CES5A: variants seen among roughly 807,000 people sequenced by gnomAD.
CES5A encodes carboxylesterase 5.
A neutral mutation model predicts 62.9 loss-of-function variants in CES5A; 67 were observed. The ratio of observed to expected loss-of-function variants is 1.07; its 90% CI spans 0.88 to 1.31. The LOEUF (loss-of-function observed/expected upper bound fraction) is 1.31, where lower values mean the gene tolerates loss of function less well. CES5A is among the 50% of genes most tolerant of loss of function. CES5A has a pLI of 0.00. For missense variants in CES5A, 748 were observed against 708.5 expected, an observed-to-expected ratio of 1.06 and a Z score of -0.63; for synonymous variants, 296 against 280.8, an observed-to-expected ratio of 1.05 and a Z score of -0.54.
At chr16:55,862,179 C>T (rs1474822258) in intron 6 of CES5A, among the ~76,000 whole-genome samples, 1 of 152,178 alleles carries the variant, frequency 6.6e-6, no homozygotes, top group Non-Finnish European at 1.5e-5. Context: ...CCATGCCTGG[C>T]CCATTGCTGA....
In CES5A at chr16:55,905,370, A is replaced by ATTTT. The variant is rs368761640; in HGVS notation, c.-256+19952_-256+19953insAAAA. On this transcript the variant is annotated intron_variant, in intron 1 of 12. Coordinates refer to the CES5A transcript ENST00000518005. ...ACTCCCCAGAATATCTTTAAATCTG[A>ATTTT]CTTTTTTTTTTTTTGAGATGGAGTC... is the stretch of plus-strand genomic sequence containing the variant. 6.8e-5 allele frequency among the ~76,000 whole-genome samples: 10 copies of ATTTT among 146,430 alleles called. 2 individuals are homozygous for ATTTT. Among genetic ancestry groups the ATTTT allele is most frequent in the Non-Finnish European group, 6.0e-5 (4 of 66,610 alleles).
chr16:55,867,569 G>A (rs1437567682), intron 4 of CES5A, among the ~76,000 whole-genome samples: 3 of 151,924 alleles, frequency 2.0e-5, no homozygotes, highest in Non-Finnish European at 2.9e-5. Context: ...TCTCTCCCAG[G>A]CCCCTGCTCA....
At chr16:55,933,111 A>G (rs563785748) in intron 2 of CES5A, among the ~76,000 whole-genome samples, 2 of 152,322 alleles carry the variant, frequency 1.3e-5, no homozygotes, top group South Asian at 4.1e-4. Context: ...TACCATTTGG[A>G]ATACATGGCC....
chr16:55,857,458 T>G (rs1308110081), intron 8 of CES5A, among the ~76,000 whole-genome samples: 1 of 152,188 alleles, frequency 6.6e-6, no homozygotes, highest in Non-Finnish European at 1.5e-5. Context: ...GCTGAAAATC[T>G]TGGGGTAATG....
intron 1 of CES5A, among the ~76,000 whole-genome samples, chr16:55,893,285 T>C (rs1251708555): frequency 1.3e-5 from 2 of 151,838 alleles, no homozygotes; most frequent in Non-Finnish European, 2.9e-5. Flanking sequence ...ATTGATCAGA[T>C]CAGACCTGTT....
intron 1 of CES5A, among the ~76,000 whole-genome samples, chr16:55,953,216 A>C (rs1266112655): frequency 1.3e-5 from 2 of 152,208 alleles, no homozygotes; most frequent in African/African-American, 4.8e-5. Context: ...CAATAGACCC[A>C]CAGTGTACAT....
intron 2 of CES5A, among the ~76,000 whole-genome samples, chr16:55,931,308 T>C (rs2034309284): frequency 6.6e-6 from 1 of 152,252 alleles, no homozygotes; most frequent in Non-Finnish European, 1.5e-5. Context: ...AAGAGAAATC[T>C]ATGCAGCCAA....
intron 11 of CES5A, among the ~76,000 whole-genome samples, chr16:55,848,879 A>C (rs1230529885): frequency 6.6e-6 from 1 of 152,158 alleles, no homozygotes; most frequent in African/African-American, 2.4e-5. Context: ...CCTTATGACA[A>C]CCTAGGAGGA....
At chr16:55,939,451 A>G (rs2142477619) in intron 2 of CES5A, among the ~76,000 whole-genome samples, 1 of 152,322 alleles carries the variant, frequency 6.6e-6, no homozygotes, top group African/African-American at 2.4e-5. Flanking sequence ...TAGATAGGGA[A>G]GTAAGACCAG....
intron 1 of CES5A, among the ~76,000 whole-genome samples, chr16:55,883,981 C>G (rs531766843): frequency 3.9e-5 from 6 of 152,320 alleles, no homozygotes; most frequent in South Asian, 2.1e-4. Context: ...CTTTAGGTCT[C>G]TACATAGCAA....
At chr16:55,854,328 T>G (rs1306880543) in intron 9 of CES5A, among the ~76,000 whole-genome samples, 4 of 152,052 alleles carry the variant, frequency 2.6e-5, no homozygotes, top group Non-Finnish European at 5.9e-5. Flanking sequence ...AATGTCCTTC[T>G]GCTCAGTTGT....
upstream of CES5A, among the ~76,000 whole-genome samples, chr16:55,927,334 A>G (rs536666462): frequency 2.0e-5 from 3 of 152,346 alleles, no homozygotes; most frequent in South Asian, 6.2e-4. Context: ...GACAACCTAC[A>G]GAATTGGACA....
At chr16:55,848,921 A>C (rs2033072322) in intron 11 of CES5A, among the ~76,000 whole-genome samples, 1 of 152,210 alleles carries the variant, frequency 6.6e-6, no homozygotes, top group Non-Finnish European at 1.5e-5. Flanking sequence ...TGAGGATGAA[A>C]AACTGAAATA....
chr16:55,884,437 CT>C (rs1453809726), intron 1 of CES5A, among the ~76,000 whole-genome samples: 1 of 152,340 alleles, frequency 6.6e-6, no homozygotes, highest in South Asian at 2.1e-4. Flanking sequence ...AGCCTCCTGC[CT>C]TCTGGCACTT....
intron 2 of CES5A, among the ~76,000 whole-genome samples, chr16:55,941,180 A>C (rs1480145951): frequency 6.6e-6 from 1 of 152,062 alleles, no homozygotes; most frequent in Non-Finnish European, 1.5e-5. Context: ...ATCAAAAGGC[A>C]TACAGACTAG....
upstream of CES5A, among the ~76,000 whole-genome samples, chr16:55,927,865 ATTAAC>A (rs1242762997): frequency 2.0e-5 from 3 of 152,234 alleles, no homozygotes; most frequent in South Asian, 2.1e-4. Context: ...AAGATATGGA[ATTAAC>A]TTAAGTTCCC....
intron 4 of CES5A, among the ~76,000 whole-genome samples, chr16:55,867,559 T>A (rs1249062186): frequency 8.5e-5 from 13 of 152,078 alleles, no homozygotes; most frequent in Non-Finnish European, 1.6e-4. Context: ...CTCCACCTTC[T>A]CTCTCCCAGG....
chr16:55,854,531 C>CTTTTTTTTTTCTTTTTT (rs1555479324), intron 9 of CES5A, among the ~76,000 whole-genome samples: 4 of 52,164 alleles, frequency 7.7e-5, no homozygotes, highest in Admixed American at 4.2e-4. Context: ...TGTAGTGTTT[C>CTTTTTTTTTTCTTTTTT]TTTTTTTTTT....
upstream of CES5A, chr16:55,925,535 C>G (rs2034249940): frequency 1.3e-5 from 2 of 151,934 alleles, no homozygotes; most frequent in African/African-American, 4.8e-5. Flanking sequence ...CAAAGCAAAT[C>G]AATATGTCAA....
Sources: allele counts gnomAD v4.1 joint callset (sites outside exome capture counted in the v4.1 genomes callset), GRCh38; gene constraint gnomAD v4.1.1; transcripts MANE v1.5; gene names NCBI Gene and HGNC (gene_info 2026-07-23, HGNC 2026-07-21).